TLK2: variants seen among roughly 807,000 people sequenced by gnomAD.
TLK2 encodes tousled like kinase 2.
TLK2 carries 6 observed loss-of-function variants against 117.3 expected under a neutral mutation model. The ratio of observed to expected loss-of-function variants is 0.05; its 90% CI spans 0.03 to 0.10. The LOEUF (loss-of-function observed/expected upper bound fraction) is 0.10. Among genes scored for constraint, TLK2 ranks in the 10% least tolerant of loss-of-function variants. The pLI, the probability that TLK2 is intolerant of heterozygous loss-of-function variation, is 1.00. For synonymous variants in TLK2, 257 were observed against 316.7 expected (o/e 0.81, Z 2.00); for missense variants, 299 against 901.2 (o/e 0.33, Z 8.56).
intron 2 of TLK2, among the ~76,000 whole-genome samples, chr17:62,504,355 A>G (rs2145078952): frequency 6.6e-6 from 1 of 152,336 alleles, no homozygotes; most frequent in East Asian, 1.9e-4. Context: ...AAGAGCTAAT[A>G]GAACTTCAGT....
intron 7 of TLK2, chr17:62,550,310 C>T (rs1380025025): frequency 6.6e-6 from 1 of 152,212 alleles, no homozygotes; most frequent in African/African-American, 2.4e-5. Context: ...AAGGTTTATC[C>T]CTGACCCTCT....
At chr17:62,545,617 A>C (rs1215294153) in intron 7 of TLK2, among the ~76,000 whole-genome samples, 2 of 151,884 alleles carry the variant, frequency 1.3e-5, no homozygotes, top group Non-Finnish European at 2.9e-5. Flanking sequence ...AGACTGTCTC[A>C]AAAAAAAGAG....
At chr17:62,557,343 A>G (rs2078935222) in intron 9 of TLK2, among the ~76,000 whole-genome samples, 1 of 151,910 alleles carries the variant, frequency 6.6e-6, no homozygotes, top group Non-Finnish European at 1.5e-5. Context: ...GTCTTTTTGC[A>G]TTTTATGAAA....
rs141908103 is a variant in TLK2, at chr17:62,548,238, A to ATGTGTGTGTGTGTG, written c.532-4063_532-4062insGTGTGTGTGTGTGT. ...ACTTATCATTGGGCCATATATATAT[A>ATGTGTGTGTGTGTG]TATGTGTGTGTGTGTGTGTGTGTGT... On this transcript the variant is annotated intron_variant, in intron 7 of 21. Transcript: ENST00000346027. Among the ~76,000 whole-genome samples, 313 of 111,870 alleles carry ATGTGTGTGTGTGTG rather than the reference A, an allele frequency of 2.8e-3. 2 individuals are homozygous for ATGTGTGTGTGTGTG. In the East Asian group the frequency reaches 0.038, roughly 14 times the overall value. The allele number at this position is 111,870 out of a possible 152,430, so 73.4% of individuals were successfully genotyped here.
intron 7 of TLK2, among the ~76,000 whole-genome samples, chr17:62,536,940 C>A (rs1205190122): frequency 6.6e-6 from 1 of 152,180 alleles, no homozygotes; most frequent in Non-Finnish European, 1.5e-5. Flanking sequence ...AGTTTGACCT[C>A]ATTTCATAAG....
At chr17:62,571,893 C>A (rs1347161547) in intron 11 of TLK2, among the ~76,000 whole-genome samples, 1 of 148,140 alleles carries the variant, frequency 6.8e-6, no homozygotes, top group Non-Finnish European at 1.5e-5. Context: ...TTTTGCCGGG[C>A]ACGGTGGCTC....
chr17:62,488,372 C>T (rs2072717144), intron 2 of TLK2, among the ~76,000 whole-genome samples: 1 of 152,168 alleles, frequency 6.6e-6, no homozygotes, highest in Admixed American at 6.6e-5. Flanking sequence ...TAGAAGCTTT[C>T]AGTTATGAAT....
At chr17:62,484,754 A>G (rs963213363) in intron 2 of TLK2, among the ~76,000 whole-genome samples, 20 of 152,028 alleles carry the variant, frequency 1.3e-4, no homozygotes, top group African/African-American at 4.6e-4. Context: ...TTATTTCCCA[A>G]TAAGAATATC....
intron 2 of TLK2, among the ~76,000 whole-genome samples, chr17:62,514,751 G>A (rs1299114173): frequency 2.0e-5 from 3 of 151,690 alleles, no homozygotes; most frequent in Non-Finnish European, 2.9e-5. Flanking sequence ...GCTAATTTTT[G>A]TATTTTTAGT....
intron 16 of TLK2, among the ~76,000 whole-genome samples, chr17:62,594,762 CAG>C (rs1268442429): frequency 1.3e-5 from 2 of 151,550 alleles, no homozygotes; most frequent in Non-Finnish European, 2.9e-5. Flanking sequence ...CCACCCTAGA[CAG>C]GATGCCATCC....
chr17:62,537,102 A>G (rs2077168788), intron 7 of TLK2, among the ~76,000 whole-genome samples: 2 of 152,106 alleles, frequency 1.3e-5, no homozygotes, highest in Non-Finnish European at 2.9e-5. Flanking sequence ...CAACTAAGTC[A>G]CCACTCATCC....
Position 62,479,230 on chromosome 17 carries a change from G to A in TLK2, c.-66G>A. 6.4e-6 allele frequency: 1 copy of A among 157,068 alleles called. No individual in the cohort carries two copies. Among genetic ancestry groups the A allele is most frequent in the South Asian group, 1.7e-4 (1 of 5,802 alleles). The allele number at this position is 157,068 out of a possible 1,614,324, so 9.7% of individuals were successfully genotyped here. On this transcript the variant is annotated 5_prime_UTR_variant, in exon 1 of 22. Coordinates refer to ENST00000346027, the MANE Select transcript of TLK2 (RefSeq NM_006852.6). ...CAGGGGGAGAGCGGAGCGGTCCGCA[G>A]CCGGGTCGGGTCGGGGCCCCTCCCG...
intron 2 of TLK2, among the ~76,000 whole-genome samples, chr17:62,495,095 AG>A (rs750257278): frequency 3.9e-5 from 6 of 151,908 alleles, no homozygotes; most frequent in Non-Finnish European, 8.8e-5. Flanking sequence ...TGAACCCGGG[AG>A]GCGGAGGTTG....
intron 9 of TLK2, among the ~76,000 whole-genome samples, chr17:62,555,224 T>G (rs1198031320): frequency 6.6e-6 from 1 of 152,150 alleles, no homozygotes; most frequent in African/African-American, 2.4e-5. Flanking sequence ...CAGCCTTGCC[T>G]TTGTCAGTCT....
chr17:62,528,897 C>T (rs1180607658), intron 6 of TLK2, among the ~76,000 whole-genome samples: 1 of 152,148 alleles, frequency 6.6e-6, no homozygotes, highest in Non-Finnish European at 1.5e-5. Flanking sequence ...TTTCCAGCAG[C>T]TGGAAACCTA....
intron 9 of TLK2, among the ~76,000 whole-genome samples, chr17:62,558,813 T>C (rs2079045614): frequency 1.3e-5 from 2 of 152,206 alleles, no homozygotes; most frequent in African/African-American, 4.8e-5. Flanking sequence ...TGGGTTACTT[T>C]AAAAATGATG....
intron 11 of TLK2, 104 bp from the exon 12 acceptor site, chr17:62,573,111 A>G (rs2080445798): frequency 7.5e-7 from 1 of 1,335,348 alleles, no homozygotes; most frequent in Admixed American, 2.8e-5. Context: ...AAAGGGGCTT[A>G]TTTTTTCTGA....
intron 9 of TLK2, among the ~76,000 whole-genome samples, chr17:62,555,205 G>T (rs745347650): frequency 1.6e-4 from 24 of 152,126 alleles, no homozygotes; most frequent in Non-Finnish European, 3.2e-4. Context: ...ACTGCAAGGT[G>T]GGGATCGGCA....
intron 2 of TLK2, among the ~76,000 whole-genome samples, chr17:62,487,654 A>C (rs1598144226): frequency 1.2e-5 from 1 of 83,864 alleles, no homozygotes; most frequent in Non-Finnish European, 2.2e-5. Flanking sequence ...ACGGAGTTTC[A>C]CTCTTGTTGC....
Sources: allele counts gnomAD v4.1 joint callset (sites outside exome capture counted in the v4.1 genomes callset), GRCh38; gene constraint gnomAD v4.1.1; transcripts MANE v1.5; gene names NCBI Gene and HGNC (gene_info 2026-07-23, HGNC 2026-07-21).